The following DCLK3 variants were observed in gnomAD, a reference collection of about 807,000 sequenced individuals.
DCLK3 encodes the protein serine/threonine-protein kinase DCLK3.
A neutral mutation model predicts 46.4 loss-of-function variants in DCLK3; 30 were observed. The ratio of observed to expected loss-of-function variants is 0.65; its 90% CI spans 0.48 to 0.88. DCLK3 has a LOEUF of 0.88. DCLK3 is among the 40% of genes least tolerant of loss of function. The probability of loss-of-function intolerance (pLI) is 0.00; values close to 1 mark genes in which losing one functional copy is unlikely to be tolerated. For synonymous variants in DCLK3, 401 were observed against 339.2 expected (o/e 1.18, Z -2.00); for missense variants, 846 against 907.1 (o/e 0.93, Z 0.87).
At chr3:36,735,287 C>G (rs142797281) in intron 2 of DCLK3, among the ~76,000 whole-genome samples, 1 of 152,026 alleles carries the variant, frequency 6.6e-6, no homozygotes, top group African/African-American at 2.4e-5. Context: ...ACCCAAAAGA[C>G]GGGAAGAATC....
chr3:36,720,144 TCTCA>T (rs1472169749), intron 3 of DCLK3, among the ~76,000 whole-genome samples: 2 of 152,194 alleles, frequency 1.3e-5, no homozygotes, highest in African/African-American at 4.8e-5. Context: ...ACAAGTGAGT[TCTCA>T]CTCAGGTAGT....
At chr3:36,719,039 G>A (rs899082237) in intron 3 of DCLK3, among the ~76,000 whole-genome samples, 1 of 152,012 alleles carries the variant, frequency 6.6e-6, no homozygotes, top group Non-Finnish European at 1.5e-5. Context: ...ATAACTATTA[G>A]TATCCCCTTT....
At chr3:36,763,443 G>A (rs1424137284) in intron 1 of DCLK3, among the ~76,000 whole-genome samples, 1 of 152,268 alleles carries the variant, frequency 6.6e-6, no homozygotes, top group Non-Finnish European at 1.5e-5. Flanking sequence ...ATGGAAAGGA[G>A]TGTAAATGTG....
chr3:36,757,477 T>C (rs1248110573), intron 1 of DCLK3, among the ~76,000 whole-genome samples: 2 of 149,724 alleles, frequency 1.3e-5, no homozygotes, highest in African/African-American at 4.8e-5. Flanking sequence ...CCTTTGAACA[T>C]ACAGAAAACA....
chr3:36,750,900 C>T (rs932375206), intron 1 of DCLK3, among the ~76,000 whole-genome samples: 29 of 152,076 alleles, frequency 1.9e-4, no homozygotes, highest in Admixed American at 1.8e-3. Context: ...CACTCAGAGG[C>T]GTCAACAGGC....
chr3:36,764,288 G>A lies in DCLK3; in HGVS notation c.-25C>T. 1 of 228,848 alleles carries A rather than the reference G, an allele frequency of 4.4e-6. No homozygotes were observed. Among genetic ancestry groups the A allele is most frequent in the African/African-American group, 2.3e-5 (1 of 43,252 alleles). 14.2% of individuals were successfully genotyped at this position (228,848 alleles called of 1,614,324 possible). A position where few individuals can be genotyped will look rare whatever the true frequency, so the allele number is the denominator to read the frequency against. Reference sequence around the variant, plus strand: ...TGGCGCGGCGGCGGGCTCGGGGAGAGCCTGGAGCAGAGGTGGCAGCGCGGG... The same window carrying A: ...TGGCGCGGCGGCGGGCTCGGGGAGAACCTGGAGCAGAGGTGGCAGCGCGGG... On this transcript the variant is annotated 5_prime_UTR_variant, in exon 1 of 5. Coordinates refer to ENST00000636136, the MANE Select transcript of DCLK3 (RefSeq NM_001394672.2). The surrounding 1 kb of genome is among the most constrained non-coding windows in gnomAD (Gnocchi z 4.9).
chr3:36,727,392 T>C (rs1313210110), intron 2 of DCLK3, among the ~76,000 whole-genome samples: 1 of 152,240 alleles, frequency 6.6e-6, no homozygotes, highest in East Asian at 1.9e-4. Flanking sequence ...ACCTTCCTCA[T>C]GGAAGCCCCC....
At chr3:36,758,674 T>C (rs751188618) in intron 1 of DCLK3, among the ~76,000 whole-genome samples, 1 of 152,248 alleles carries the variant, frequency 6.6e-6, no homozygotes, top group Non-Finnish European at 1.5e-5. Context: ...CTCTGTTCTT[T>C]ACAAATTACC....
chr3:36,755,121 A>T (rs1701474461), intron 1 of DCLK3, among the ~76,000 whole-genome samples: 1 of 152,342 alleles, frequency 6.6e-6, no homozygotes, highest in Admixed American at 6.5e-5. Flanking sequence ...GAGCAACATA[A>T]GGAAAACTAC....
chr3:36,725,588 T>C lies in DCLK3; in HGVS notation c.1960-3929A>G, dbSNP rs116020765. Among the ~76,000 whole-genome samples, 865 of 152,180 alleles carry C rather than the reference T, an allele frequency of 5.7e-3. 8 individuals are homozygous for C. Among genetic ancestry groups the C allele is most frequent in the African/African-American group, 0.02 (821 of 41,526 alleles). ...GCCATGATTGCACCACTGCACTCCA[T>C]CCTGAGCAACAGAGTAAGACCCTGT... On this transcript the variant is annotated intron_variant, in intron 2 of 4. Coordinates refer to ENST00000636136, the MANE Select transcript of DCLK3 (RefSeq NM_001394672.2).
At chr3:36,751,681 G>A (rs1701442878) in intron 1 of DCLK3, among the ~76,000 whole-genome samples, 1 of 152,200 alleles carries the variant, frequency 6.6e-6, no homozygotes, top group Non-Finnish European at 1.5e-5. Flanking sequence ...GCTTCTTTGG[G>A]ATTTCTTATG....
chr3:36,742,013 A>G (rs1451648480), intron 1 of DCLK3, among the ~76,000 whole-genome samples: 1 of 152,194 alleles, frequency 6.6e-6, no homozygotes, highest in Non-Finnish European at 1.5e-5. Context: ...TACCTTAAGG[A>G]TGTTTGAACA....
chr3:36,729,978 G>A (rs1328793542), intron 2 of DCLK3, among the ~76,000 whole-genome samples: 1 of 152,108 alleles, frequency 6.6e-6, no homozygotes, highest in African/African-American at 2.4e-5. Context: ...GGAGTTTGAA[G>A]TGAGCCTACA....
chr3:36,743,142 G>T (rs1336143588), intron 1 of DCLK3, among the ~76,000 whole-genome samples: 1 of 151,772 alleles, frequency 6.6e-6, no homozygotes, highest in Non-Finnish European at 1.5e-5. Flanking sequence ...AATCTAAAAT[G>T]CTCCAAAGCC....
chr3:36,763,496 A>C (rs920611562), intron 1 of DCLK3, among the ~76,000 whole-genome samples: 6 of 152,238 alleles, frequency 3.9e-5, no homozygotes, highest in Non-Finnish European at 8.8e-5. Flanking sequence ...TCACGAGCTC[A>C]GATTTTTTTA....
chr3:36,756,596 T>A (rs1701486568), intron 1 of DCLK3, among the ~76,000 whole-genome samples: 1 of 152,072 alleles, frequency 6.6e-6, no homozygotes, highest in Admixed American at 6.5e-5. Context: ...CGAAACAACA[T>A]CTGAACTAAA....
Position 36,744,768 on chromosome 3 carries a change from G to C in DCLK3, c.83-5684C>G, listed in dbSNP as rs17035520. On this transcript the variant is annotated intron_variant, in intron 1 of 4. Coordinates refer to ENST00000636136, the MANE Select transcript of DCLK3 (RefSeq NM_001394672.2). ...AAATGTGACCCAGCAGGATGCATTT[G>C]TCATTCACACAGTGATTGAAATAAA... is the stretch of plus-strand genomic sequence containing the variant. 8.6e-3 allele frequency among the ~76,000 whole-genome samples: 1,308 copies of C among 152,296 alleles called. 22 individuals carry two copies. Among genetic ancestry groups the C allele is most frequent in the African/African-American group, 0.03 (1,255 of 41,542 alleles).
At chr3:36,721,178 T>G (rs1033320151) in intron 3 of DCLK3, among the ~76,000 whole-genome samples, 1 of 152,140 alleles carries the variant, frequency 6.6e-6, no homozygotes, top group African/African-American at 2.4e-5. Flanking sequence ...GCTTCAATTC[T>G]CTCCTATTAG....
intron 2 of DCLK3, among the ~76,000 whole-genome samples, chr3:36,729,457 T>C (rs1356365716): frequency 6.6e-6 from 1 of 152,198 alleles, no homozygotes; most frequent in Non-Finnish European, 1.5e-5. Flanking sequence ...GCATCTATCA[T>C]CCTTTTCCAG....
Sources: gnomAD v4.1 joint callset for allele counts (sites outside exome capture counted in the v4.1 genomes callset) on GRCh38, gnomAD v4.1.1 for gene constraint, Gnocchi (gnomAD v3.1) non-coding constraint, MANE v1.5 for transcripts, NCBI Gene and HGNC (gene_info 2026-07-23, HGNC 2026-07-21) for gene names.